Variants in RAP1GDS1 observed in about 807,000 individuals in gnomAD.
The protein encoded by RAP1GDS1 is Rap1 GTPase-GDP dissociation stimulator 1.
A neutral mutation model predicts 71.1 loss-of-function variants in RAP1GDS1; 35 were observed. That is an observed-to-expected ratio of 0.49 (90% CI 0.38 to 0.65). The LOEUF (loss-of-function observed/expected upper bound fraction) is 0.65. Ranked by LOEUF, RAP1GDS1 falls within the 30% of genes least tolerant of loss-of-function variation. The pLI, the probability that RAP1GDS1 is intolerant of heterozygous loss-of-function variation, is 0.00. For missense variants in RAP1GDS1, 663 were observed against 706.1 expected, an observed-to-expected ratio of 0.94 and a Z score of 0.69; for synonymous variants, 229 against 243.1, an observed-to-expected ratio of 0.94 and a Z score of 0.54.
chr4:98,296,940 C>CG, intron 2 of RAP1GDS1: 3 of 343,770 alleles, frequency 8.7e-6, no homozygotes, highest in South Asian at 2.0e-5. Context: ...TTTGTGTTGC[C>CG]GGGGGGACCA....
chr4:98,276,287 G>A (rs148179236), intron 1 of RAP1GDS1, among the ~76,000 whole-genome samples: 1 of 152,144 alleles, frequency 6.6e-6, no homozygotes, highest in African/African-American at 2.4e-5. Context: ...ATCCACATTG[G>A]GAGTAGGATT....
rs1310421125 is a variant in RAP1GDS1 at position 98,292,805 on chromosome 4, G to T, written c.5-603G>T. Among the ~76,000 whole-genome samples, 9 of 152,178 alleles carry T rather than the reference G, an allele frequency of 5.9e-5. No homozygotes were observed. The East Asian group carries it at 1.7e-3, about 29-fold the overall frequency. ...CAATAACTTTTAATAGTGTAAAGAG[G>T]TTTTGAGAATCTGTGATCTAGAGGA... On this transcript the variant is annotated intron_variant, in intron 1 of 14. Transcript: ENST00000408927.
chr4:98,425,493 C>G (rs994847069), intron 12 of RAP1GDS1, among the ~76,000 whole-genome samples: 3 of 152,072 alleles, frequency 2.0e-5, no homozygotes, highest in Admixed American at 2.0e-4. Flanking sequence ...AAGAGACTTA[C>G]CCAACACATA....
At chr4:98,378,960 A>AC in intron 4 of RAP1GDS1, 57 bp from the exon 5 acceptor site, 2 of 1,418,062 alleles carry the variant, frequency 1.4e-6, no homozygotes, top group Non-Finnish European at 1.9e-6. Flanking sequence ...TTGTATTTGA[A>AC]ATTGTAAGGT....
At chr4:98,433,733 A>G (rs1334348366) in intron 12 of RAP1GDS1, among the ~76,000 whole-genome samples, 5 of 152,086 alleles carry the variant, frequency 3.3e-5, no homozygotes, top group Non-Finnish European at 5.9e-5. Context: ...TACTTAGGCA[A>G]TTTAAGTTGT....
chr4:98,427,378 GAGAA>G (rs1339786054), intron 12 of RAP1GDS1, among the ~76,000 whole-genome samples: 1 of 152,100 alleles, frequency 6.6e-6, no homozygotes, highest in Non-Finnish European at 1.5e-5. Flanking sequence ...AATCAGACAA[GAGAA>G]AGAAATAAAG....
intron 1 of RAP1GDS1, among the ~76,000 whole-genome samples, chr4:98,277,019 A>C (rs772549518): frequency 1.3e-5 from 2 of 152,160 alleles, no homozygotes; most frequent in South Asian, 4.1e-4. Flanking sequence ...AGTTAGGGGC[A>C]GTGTCAGGCC....
intron 7 of RAP1GDS1, chr4:98,409,883 C>G (rs956534932): frequency 1.2e-5 from 2 of 168,974 alleles, no homozygotes; most frequent in Admixed American, 6.2e-5. Flanking sequence ...AAAATGTAAG[C>G]TAGGAGAATA....
intron 12 of RAP1GDS1, among the ~76,000 whole-genome samples, chr4:98,429,276 AAAG>A (rs1010405086): frequency 1.3e-5 from 2 of 151,620 alleles, no homozygotes; most frequent in Admixed American, 1.3e-4. Context: ...AAAAAAAAGA[AAAG>A]AAACTATGAT....
chr4:98,359,957 C>T (rs368052162), intron 4 of RAP1GDS1, among the ~76,000 whole-genome samples: 2 of 152,222 alleles, frequency 1.3e-5, no homozygotes, highest in South Asian at 4.2e-4. Flanking sequence ...TAGCACTGCA[C>T]CAGGTTTATT....
At position 98,286,627 on chromosome 4, in the gene RAP1GDS1, A is replaced by G. The variant is rs533307619; in HGVS notation, c.5-6781A>G. Among the ~76,000 whole-genome samples the G allele has an allele frequency of 2.6e-5, 4 of 152,172 alleles. No individual in the cohort carries two copies. In the East Asian group the frequency reaches 5.8e-4, roughly 22 times the overall value. ...AGGCCAGGCGCGGTGGCTAACGCCT[A>G]TAATCCTAGCACTTTGGGAGGCCTA... is the stretch of plus-strand genomic sequence containing the variant. On this transcript the variant is annotated intron_variant, in intron 1 of 14. Coordinates refer to ENST00000408927, the MANE Select transcript of RAP1GDS1 (RefSeq NM_001100427.2).
chr4:98,324,125 AACAG>A (rs1272995246), intron 2 of RAP1GDS1, among the ~76,000 whole-genome samples: 198 of 149,448 alleles, frequency 1.3e-3, no homozygotes, highest in African/African-American at 4.6e-3. Context: ...ATACACCAAC[AACAG>A]ACAAACAGAG....
chr4:98,432,506 T>C lies in RAP1GDS1; in HGVS notation c.1441-1430T>C, dbSNP rs1023033517. On this transcript the variant is annotated intron_variant, in intron 12 of 14. Transcript: ENST00000408927. ...AAACAGATTGATGGGGAAAAATGTA[T>C]TAGATGCCAGAACACAGCTACCATA... is the stretch of plus-strand genomic sequence containing the variant. 3.9e-5 allele frequency among the ~76,000 whole-genome samples: 6 copies of C among 152,308 alleles called. No individual in the cohort carries two copies. In the South Asian group the frequency reaches 1.0e-3, roughly 26 times the overall value.
intron 7 of RAP1GDS1, among the ~76,000 whole-genome samples, chr4:98,406,225 G>T (rs140542014): frequency 6.6e-6 from 1 of 151,948 alleles, no homozygotes; most frequent in Non-Finnish European, 1.5e-5. Context: ...CAGTAATTAC[G>T]TTAAATGTGG....
At chr4:98,395,807 A>C (rs1744449027) in intron 6 of RAP1GDS1, 1 of 152,188 alleles carries the variant, frequency 6.6e-6, no homozygotes, top group African/African-American at 2.4e-5. Flanking sequence ...AATATGAATG[A>C]CCCAATCAAT....
Position 98,415,369 on chromosome 4 carries a change from T to G in RAP1GDS1, c.764-1376T>G, listed in dbSNP as rs568176787. On this transcript the variant is annotated intron_variant, in intron 7 of 14. Coordinates refer to ENST00000408927, the MANE Select transcript of RAP1GDS1 (RefSeq NM_001100427.2). The stretch of plus-strand genomic sequence containing the variant: ...TTGTACAATAGTGATCCTGAGGTGA[T>G]GTACATTCTCAGCTTACAAAGATAA... Among the ~76,000 whole-genome samples, 161 of 152,362 alleles carry G rather than the reference T, an allele frequency of 1.1e-3. 3 individuals carry two copies. Among genetic ancestry groups the G allele is most frequent in the Middle Eastern group, 0.01 (3 of 294 alleles).
intron 1 of RAP1GDS1, among the ~76,000 whole-genome samples, chr4:98,270,093 A>G (rs1396260592): frequency 1.3e-5 from 2 of 152,240 alleles, no homozygotes; most frequent in South Asian, 2.1e-4. Context: ...TCCTCCAAAG[A>G]GGAGAAACCT....
At chr4:98,431,874 G>T (rs906695963) in intron 12 of RAP1GDS1, among the ~76,000 whole-genome samples, 5 of 152,092 alleles carry the variant, frequency 3.3e-5, no homozygotes, top group African/African-American at 1.2e-4. Flanking sequence ...AAGGCAAAAT[G>T]ATTTCATAGA....
intron 3 of RAP1GDS1, among the ~76,000 whole-genome samples, chr4:98,347,874 G>C (rs1736528738): frequency 6.6e-6 from 1 of 152,178 alleles, no homozygotes; most frequent in Admixed American, 6.5e-5. Context: ...TGAATGTAGA[G>C]GTATAGGTAG....
Sources: gnomAD v4.1 joint callset for allele counts (sites outside exome capture counted in the v4.1 genomes callset) on GRCh38, gnomAD v4.1.1 for gene constraint, MANE v1.5 for transcripts, NCBI Gene and HGNC (gene_info 2026-07-23, HGNC 2026-07-21) for gene names.